The following RAB11FIP4 variants were observed in gnomAD, a reference collection of about 807,000 sequenced individuals.
RAB11FIP4 encodes RAB11 family interacting protein 4, also known as rab11 family-interacting protein 4.
A neutral mutation model predicts 74.3 loss-of-function variants in RAB11FIP4; 23 were observed. That is an observed-to-expected ratio of 0.31 (90% CI 0.22 to 0.44). RAB11FIP4 has a LOEUF of 0.44. Ranked by LOEUF, RAB11FIP4 falls within the 20% of genes least tolerant of loss-of-function variation. RAB11FIP4 has a pLI of 1.00. For missense variants in RAB11FIP4, 630 were observed against 863.9 expected (o/e 0.73, Z 3.39); for synonymous variants, 360 against 359.9 (o/e 1.00, Z 0.00).
At chr17:31,426,790 C>T (rs149030302) in intron 1 of RAB11FIP4, among the ~76,000 whole-genome samples, 164 of 151,692 alleles carry the variant, frequency 1.1e-3, no homozygotes, top group African/African-American at 3.5e-3. Context: ...TTAGTAGAGA[C>T]GGGGTTTCAC....
chr17:31,524,251 G>A (rs548891935), intron 9 of RAB11FIP4: 159 of 467,280 alleles, frequency 3.4e-4, no homozygotes, highest in African/African-American at 2.8e-3. Context: ...TGAAGCCACA[G>A]GGCTGGTCCA....
intron 3 of RAB11FIP4, among the ~76,000 whole-genome samples, chr17:31,472,415 C>G (rs2071746908): frequency 6.6e-6 from 1 of 152,150 alleles, no homozygotes; most frequent in Admixed American, 6.5e-5. Context: ...TGGCTCTCAT[C>G]ATAAAGGCTT....
At chr17:31,488,199 C>T (rs1347287199) in intron 3 of RAB11FIP4, 7 of 1,103,668 alleles carry the variant, frequency 6.3e-6, no homozygotes, top group African/African-American at 1.7e-5. Flanking sequence ...GCCGCCGACC[C>T]GCGCCCGCTG....
chr17:31,531,378 C>G (rs944739101), intron 14 of RAB11FIP4, among the ~76,000 whole-genome samples: 1 of 152,164 alleles, frequency 6.6e-6, no homozygotes, highest in Non-Finnish European at 1.5e-5. Flanking sequence ...ACAAACTGAT[C>G]ACATTGGAAT....
chr17:31,524,070 T>A, intron 9 of RAB11FIP4, 74 bp downstream of exon 9: 2 of 1,088,702 alleles, frequency 1.8e-6, no homozygotes, highest in Non-Finnish European at 2.8e-6. Context: ...TGCTAAGACC[T>A]CCAGGAGGAG....
chr17:31,502,486 G>A (rs761933202), intron 3 of RAB11FIP4, among the ~76,000 whole-genome samples: 5 of 152,186 alleles, frequency 3.3e-5, no homozygotes, highest in African/African-American at 7.2e-5. Flanking sequence ...GGCTGAGGCA[G>A]GAGAATTGCT....
rs535295090 is a variant in RAB11FIP4 at position 31,393,367 on chromosome 17, T to C, written c.159+1356T>C. Among the ~76,000 whole-genome samples the C allele has an allele frequency of 2.0e-5, 3 of 152,342 alleles. No individual in the cohort carries two copies. The South Asian group carries it at 6.2e-4, about 32-fold the overall frequency. ...GCTGAGCAGACTCCTGGCATGGGGA[T>C]AGTCGCGCTCCTTCCTCTCAGAACA... On this transcript the variant is annotated intron_variant, in intron 1 of 14. Transcript: ENST00000621161.
In RAB11FIP4 at chr17:31,424,572, G is replaced by A. The variant is rs533510923; in HGVS notation, c.160-7241G>A. Among the ~76,000 whole-genome samples, 447 of 124,792 alleles carry A rather than the reference G, an allele frequency of 3.6e-3. 2 individuals carry two copies. Among genetic ancestry groups the A allele is most frequent in the African/African-American group, 0.013 (418 of 32,592 alleles). 81.9% of individuals were successfully genotyped at this position (124,792 alleles called of 152,430 possible). ...CTACAGGCGCGCACCACCACACCCA[G>A]CTAATTTTTTTTTTTTTTTTTGAGG... On this transcript the variant is annotated intron_variant, in intron 1 of 14. Coordinates refer to ENST00000621161, the MANE Select transcript of RAB11FIP4 (RefSeq NM_032932.6).
intron 11 of RAB11FIP4, 23 bp from the exon 12 acceptor site, chr17:31,528,383 C>T: frequency 6.2e-7 from 1 of 1,608,332 alleles, no homozygotes; most frequent in Admixed American, 1.7e-5. Context: ...CTCTCCTCCC[C>T]TGATCGGGTC....
chr17:31,430,406 G>A (rs535306294), intron 1 of RAB11FIP4, among the ~76,000 whole-genome samples: 3 of 145,334 alleles, frequency 2.1e-5, no homozygotes, highest in African/African-American at 7.9e-5. Context: ...CGCCCAGGCT[G>A]GAGTGCAGTG....
chr17:31,419,711 C>T (rs1038852607), intron 1 of RAB11FIP4, among the ~76,000 whole-genome samples: 1 of 151,824 alleles, frequency 6.6e-6, no homozygotes, highest in Non-Finnish European at 1.5e-5. Context: ...CCACCATGCC[C>T]GGCTAATTTT....
intron 3 of RAB11FIP4, among the ~76,000 whole-genome samples, chr17:31,440,340 G>T (rs930310863): frequency 3.3e-5 from 5 of 152,062 alleles, no homozygotes; most frequent in South Asian, 4.2e-4. Flanking sequence ...TATATACGTA[G>T]GTCTCTTTCT....
rs984147175 is a variant in RAB11FIP4, at chr17:31,521,969, T to C, written c.813T>C (p.Asp271=). The change falls in exon 6 of 15, where the codon GAT becomes GAC. Residue 271 remains aspartate, a synonymous_variant. Transcript: ENST00000621161. ...ACGTGTACAACAGCGAATTGCTAGA[T>C]GTTTACTGCTCTCAATGCTGCAAGA... The part of the protein sequence containing the change: ...MRHVYNSELL[D]VYCSQCCKKI... 3.1e-6 allele frequency: 5 copies of C among 1,614,046 alleles called. No homozygotes were observed. The South Asian group carries it at 4.4e-5, about 14-fold the overall frequency.
At chr17:31,469,254 A>G (rs2071715563) in intron 3 of RAB11FIP4, among the ~76,000 whole-genome samples, 2 of 152,134 alleles carry the variant, frequency 1.3e-5, no homozygotes, top group Non-Finnish European at 1.5e-5. Flanking sequence ...CCCCTCTTAA[A>G]GCTTTCGGTC....
chr17:31,520,983 A>G, intron 4 of RAB11FIP4, 183 bp from the exon 5 acceptor site: 3 of 439,286 alleles, frequency 6.8e-6, no homozygotes, highest in Non-Finnish European at 1.2e-5. Flanking sequence ...GAACTGTAGA[A>G]ATGGTTTCTG....
intron 2 of RAB11FIP4, among the ~76,000 whole-genome samples, chr17:31,433,811 T>TG (rs1392716534): frequency 2.0e-5 from 3 of 152,190 alleles, no homozygotes; most frequent in African/African-American, 7.2e-5. Flanking sequence ...TGGGAATTAG[T>TG]CCCAGAGGAC....
At chr17:31,429,242 A>T (rs2071283247) in intron 1 of RAB11FIP4, among the ~76,000 whole-genome samples, 1 of 152,212 alleles carries the variant, frequency 6.6e-6, no homozygotes, top group South Asian at 2.1e-4. Context: ...GAAGATATAA[A>T]TTAATCAAAT....
intron 3 of RAB11FIP4, among the ~76,000 whole-genome samples, chr17:31,467,151 C>G (rs987136090): frequency 6.7e-5 from 10 of 150,096 alleles, no homozygotes; most frequent in African/African-American, 2.3e-4. Context: ...CTTGCTCTGT[C>G]GCCCAGGCTG....
In RAB11FIP4 at chr17:31,420,079, A is replaced by G. The variant is rs137894430; in HGVS notation, c.160-11734A>G. On this transcript the variant is annotated intron_variant, in intron 1 of 14. Coordinates refer to ENST00000621161, the MANE Select transcript of RAB11FIP4 (RefSeq NM_032932.6). The stretch of plus-strand genomic sequence containing the variant: ...CTTTAATCACTCAAGGACTGTTCAG[A>G]TTATCTATTTCTTCTTGCATGAGTT... Among the ~76,000 whole-genome samples the G allele has an allele frequency of 5.5e-3, 838 of 152,248 alleles. 10 individuals are homozygous for G. Among genetic ancestry groups the G allele is most frequent in the African/African-American group, 0.019 (802 of 41,522 alleles).
Sources: gnomAD v4.1 joint callset for allele counts (sites outside exome capture counted in the v4.1 genomes callset) on GRCh38, gnomAD v4.1.1 for gene constraint, MANE v1.5 for transcripts, NCBI Gene and HGNC (gene_info 2026-07-23, HGNC 2026-07-21) for gene names.